WDPCP: variants seen among roughly 807,000 people sequenced by gnomAD.
WDPCP encodes the protein WD repeat containing planar cell polarity effector, also known as WD repeat-containing and planar cell polarity effector protein fritz homolog.
In WDPCP, 71 loss-of-function variants were observed where a neutral mutation model predicts 93.1. That is an observed-to-expected ratio of 0.76 (90% CI 0.63 to 0.93). The LOEUF is 0.93. Among genes scored for constraint, WDPCP ranks in the 40% least tolerant of loss-of-function variants. The probability of loss-of-function intolerance (pLI) is 0.00; values close to 1 mark genes in which losing one functional copy is unlikely to be tolerated. For synonymous variants in WDPCP, 315 were observed against 315.0 expected, an observed-to-expected ratio of 1.00 and a Z score of 0.00; for missense variants, 844 against 887.4, an observed-to-expected ratio of 0.95 and a Z score of 0.62.
intron 12 of WDPCP, among the ~76,000 whole-genome samples, chr2:63,361,678 G>A (rs1159649615): frequency 5.3e-5 from 8 of 152,150 alleles, no homozygotes; most frequent in African/African-American, 1.9e-4. Flanking sequence ...CCTGCTCCAA[G>A]CACTAGCCTG....
chr2:63,725,154 T>C (rs867847016), intron 2 of WDPCP, among the ~76,000 whole-genome samples: 6 of 152,298 alleles, frequency 3.9e-5, no homozygotes, highest in South Asian at 4.1e-4. Flanking sequence ...ACTCAGGTAA[T>C]GAGCACAGTA....
At chr2:63,531,536 C>A (rs544445348) in intron 1 of WDPCP, among the ~76,000 whole-genome samples, 1 of 152,298 alleles carries the variant, frequency 6.6e-6, no homozygotes, top group African/African-American at 2.4e-5. Flanking sequence ...GTAATATATG[C>A]TGTTCTGCAG....
chr2:63,283,710 G>C (rs1288269339), intron 13 of WDPCP, among the ~76,000 whole-genome samples: 1 of 152,182 alleles, frequency 6.6e-6, no homozygotes, highest in Non-Finnish European at 1.5e-5. Context: ...AATCCAAAAT[G>C]CTTCAAAATC....
At chr2:63,720,545 C>T (rs1669401543) in intron 2 of WDPCP, among the ~76,000 whole-genome samples, 4 of 152,144 alleles carry the variant, frequency 2.6e-5, no homozygotes, top group South Asian at 2.1e-4. Flanking sequence ...ATGGCTTACC[C>T]GGTGCTCTGC....
intron 7 of WDPCP, 98 bp downstream of exon 7, chr2:63,439,658 GC>G: frequency 9.7e-7 from 1 of 1,033,324 alleles, no homozygotes. Context: ...TGTTGTGTTT[GC>G]AAGTCCCCAG....
At chr2:63,298,015 G>A (rs1467381438) in intron 13 of WDPCP, among the ~76,000 whole-genome samples, 1 of 152,110 alleles carries the variant, frequency 6.6e-6, no homozygotes, top group Admixed American at 6.5e-5. Context: ...AATGGCCAAA[G>A]GGTAAAACCT....
At position 63,174,758 on chromosome 2, in the gene WDPCP, C is replaced by T; in HGVS notation, c.1990G>A (p.Glu664Lys). 3 of 1,613,976 alleles carry T rather than the reference C, an allele frequency of 1.9e-6. No homozygotes were observed. The highest frequency in any genetic ancestry group is 2.5e-6 in the Non-Finnish European group (3 of 1,179,940). ...FIGLSLAPQG[E>K]DSFPDNLPPS... ...GGGAGGTTATCTGGAAATGAGTCTTCTCCTTGAGGTGCTAAAGACAGGCCA... is the reference window on the plus strand; with the variant it reads ...GGGAGGTTATCTGGAAATGAGTCTTTTCCTTGAGGTGCTAAAGACAGGCCA... Residue 664 changes from glutamate to lysine, a missense_variant, in exon 15 of 18, where the codon GAA becomes AAA. Coordinates refer to ENST00000272321, the MANE Select transcript of WDPCP (RefSeq NM_015910.7).
chr2:63,194,546 A>T (rs1352524203), intron 14 of WDPCP, among the ~76,000 whole-genome samples: 2 of 152,064 alleles, frequency 1.3e-5, no homozygotes, highest in Admixed American at 1.3e-4. Flanking sequence ...ATAATGTGTT[A>T]TATTTATGTA....
chr2:63,217,656 A>G (rs1677465473), intron 14 of WDPCP, among the ~76,000 whole-genome samples: 2 of 152,310 alleles, frequency 1.3e-5, no homozygotes, highest in South Asian at 2.1e-4. Context: ...TCTTAGAGTA[A>G]AAGGGAAGAC....
intron 14 of WDPCP, among the ~76,000 whole-genome samples, chr2:63,238,432 T>C (rs1011355264): frequency 2.6e-5 from 4 of 152,172 alleles, no homozygotes; most frequent in Non-Finnish European, 5.9e-5. Context: ...ATATTCTATC[T>C]AGTAATTGTG....
At chr2:63,631,291 T>A (rs190519) in intron 3 of WDPCP, among the ~76,000 whole-genome samples, 119,010 of 151,938 alleles carry the variant, frequency 0.78, 46,989 homozygotes, top group East Asian at 0.98. Flanking sequence ...AAATAAATTT[T>A]AAAAAAATTG....
At position 63,437,533 on chromosome 2, in the gene WDPCP, A is replaced by T. The variant is rs1697216323; in HGVS notation, c.521T>A (p.Ile174Asn). ...GTTTTGTGCCAAAAATGATAAGATG[A>T]TAAAACTGTCTGTGAGAAGAGCTAA... ...ISDALLTDSF[I>N]ILSFLAQNKL... Residue 174 changes from isoleucine (I) to asparagine (N), a missense_variant, in exon 8 of 18, where the codon ATC (isoleucine) becomes AAC (asparagine). Coordinates refer to ENST00000272321, the MANE Select transcript of WDPCP (RefSeq NM_015910.7). 1 of 1,593,206 alleles carries T rather than the reference A, an allele frequency of 6.3e-7. No individual in the cohort carries two copies. The highest frequency in any genetic ancestry group is 8.5e-7 in the Non-Finnish European group (1 of 1,169,920).
chr2:63,784,579 T>C (rs900144621), intron 2 of WDPCP, among the ~76,000 whole-genome samples: 7 of 151,696 alleles, frequency 4.6e-5, no homozygotes, highest in Admixed American at 2.6e-4. Flanking sequence ...GGAGTGTGTG[T>C]GTGTGTGTGT....
chr2:63,158,639 A>G (rs1420027983), intron 15 of WDPCP, among the ~76,000 whole-genome samples: 1 of 152,090 alleles, frequency 6.6e-6, no homozygotes, highest in Admixed American at 6.5e-5. Flanking sequence ...TCAGCATTGC[A>G]TTCTTTATCC....
intron 3 of WDPCP, among the ~76,000 whole-genome samples, chr2:63,607,600 G>A (rs1287155619): frequency 6.6e-6 from 1 of 151,834 alleles, no homozygotes; most frequent in Non-Finnish European, 1.5e-5. Context: ...GGAGGCAGAG[G>A]CGGGCGGATC....
chr2:63,312,169 A>T (rs369421377), intron 13 of WDPCP, among the ~76,000 whole-genome samples: 11 of 152,192 alleles, frequency 7.2e-5, no homozygotes, highest in African/African-American at 2.7e-4. Context: ...CACTTTTGAA[A>T]TTAGATTTTT....
rs5831668 is a variant in WDPCP, at chr2:63,674,717, CAA to C, written n.309-23881_309-23880del. ...CTCATGTTAAGTGTTCTTGACGCTACAAAAAAAAAAAAGCATTCAATGGTTTA... is the reference window on the plus strand; with the variant it reads ...CTCATGTTAAGTGTTCTTGACGCTACAAAAAAAAAAGCATTCAATGGTTTA... On this transcript the variant is annotated intron_variant and non_coding_transcript_variant, in intron 2 of 4. Coordinates refer to the WDPCP transcript ENST00000467687. Among the ~76,000 whole-genome samples the C allele has an allele frequency of 8.4e-4, 121 of 144,624 alleles. 1 individual carries two copies. Among genetic ancestry groups the C allele is most frequent in the East Asian group, 3.6e-3 (18 of 5,034 alleles). 94.9% of individuals were successfully genotyped at this position (144,624 alleles called of 152,430 possible).
intron 3 of WDPCP, among the ~76,000 whole-genome samples, chr2:63,621,985 T>C (rs556345679): frequency 2.0e-5 from 3 of 151,440 alleles, no homozygotes; most frequent in African/African-American, 7.3e-5. Flanking sequence ...CACTAACTCG[T>C]CATCTAGCAT....
intron 14 of WDPCP, among the ~76,000 whole-genome samples, chr2:63,242,077 AC>A (rs1177873797): frequency 4.6e-5 from 7 of 151,800 alleles, no homozygotes; most frequent in Non-Finnish European, 7.4e-5. Context: ...CACTAAAATA[AC>A]TCTTTTTATC....
Sources: gnomAD v4.1 joint callset for allele counts (sites outside exome capture counted in the v4.1 genomes callset) on GRCh38, gnomAD v4.1.1 for gene constraint, MANE v1.5 for transcripts, NCBI Gene and HGNC (gene_info 2026-07-23, HGNC 2026-07-21) for gene names.